PLPP4: variants seen among roughly 807,000 people sequenced by gnomAD.
PLPP4 encodes the protein diacylglycerol pyrophosphate like 2.
In PLPP4, 20 loss-of-function variants were observed where a neutral mutation model predicts 32.2. The observed-to-expected ratio is 0.62, with a 90% CI of 0.44 to 0.90. The LOEUF (loss-of-function observed/expected upper bound fraction) is 0.90, where lower values mean the gene tolerates loss of function less well. Ranked by LOEUF, PLPP4 falls within the 40% of genes least tolerant of loss-of-function variation. The pLI, the probability that PLPP4 is intolerant of heterozygous loss-of-function variation, is 0.00. For synonymous variants in PLPP4, 127 were observed against 133.0 expected, an observed-to-expected ratio of 0.95 and a Z score of 0.31; for missense variants, 257 against 353.1, an observed-to-expected ratio of 0.73 and a Z score of 2.18.
At chr10:120,573,426 G>T (rs1220407837) in intron 5 of PLPP4, among the ~76,000 whole-genome samples, 1 of 152,122 alleles carries the variant, frequency 6.6e-6, no homozygotes, top group Non-Finnish European at 1.5e-5. Flanking sequence ...ATTTGGAAAA[G>T]CTGCAGGTTG....
chr10:120,525,476 T>C (rs1219497647), intron 5 of PLPP4, among the ~76,000 whole-genome samples: 1 of 152,206 alleles, frequency 6.6e-6, no homozygotes, highest in Non-Finnish European at 1.5e-5. Context: ...TCTTGAGTTC[T>C]TTCCGTTAGG....
intron 1 of PLPP4, among the ~76,000 whole-genome samples, chr10:120,462,865 G>A (rs995636396): frequency 6.6e-6 from 1 of 152,118 alleles, no homozygotes; most frequent in African/African-American, 2.4e-5. Context: ...TGGCCCTGTA[G>A]AACCCTGTCA....
intron 1 of PLPP4, among the ~76,000 whole-genome samples, chr10:120,478,184 A>G (rs140152177): frequency 2.0e-3 from 304 of 152,312 alleles, no homozygotes; most frequent in African/African-American, 6.8e-3. Flanking sequence ...TCATTTGGCT[A>G]AATGTCAGGA....
At chr10:120,485,303 C>T (rs1467880388) in intron 1 of PLPP4, among the ~76,000 whole-genome samples, 1 of 152,244 alleles carries the variant, frequency 6.6e-6, no homozygotes, top group Non-Finnish European at 1.5e-5. Flanking sequence ...CTGGCACAGG[C>T]TTTAAGCTCA....
At chr10:120,537,266 A>G (rs1464456368) in intron 5 of PLPP4, among the ~76,000 whole-genome samples, 6 of 152,246 alleles carry the variant, frequency 3.9e-5, no homozygotes, top group Non-Finnish European at 5.9e-5. Flanking sequence ...ATTATTCACA[A>G]TAGCCAAGAT....
Position 120,551,855 on chromosome 10 carries a change from G to T in PLPP4, c.446-23276G>T, listed in dbSNP as rs1477169144. 5.3e-5 allele frequency among the ~76,000 whole-genome samples: 8 copies of T among 152,238 alleles called. No individual in the cohort carries two copies. The East Asian group carries it at 1.5e-3, about 29-fold the overall frequency. ...CCTTTTAATGCTCTTTGCATAAGTTGCTCCTTCTCATCTTTCAGGTTTATA... is the reference window on the plus strand; with the variant it reads ...CCTTTTAATGCTCTTTGCATAAGTTTCTCCTTCTCATCTTTCAGGTTTATA... On this transcript the variant is annotated intron_variant, in intron 5 of 6. Transcript: ENST00000398250.
In PLPP4 at chr10:120,531,846, A is replaced by G. The variant is rs1456121535; in HGVS notation, c.445+10751A>G. Among the ~76,000 whole-genome samples, 49 of 150,038 alleles carry G rather than the reference A, an allele frequency of 3.3e-4. 1 individual carries two copies. The Admixed American group carries it at 3.3e-3, about 10-fold the overall frequency. ...ATATATGTACACACACTACACATATATATGTGTGTACACACACTACACACA... is the reference window on the plus strand; with the variant it reads ...ATATATGTACACACACTACACATATGTATGTGTGTACACACACTACACACA... On this transcript the variant is annotated intron_variant, in intron 5 of 6. Coordinates refer to ENST00000398250, the MANE Select transcript of PLPP4 (RefSeq NM_001030059.3).
intron 1 of PLPP4, among the ~76,000 whole-genome samples, chr10:120,491,830 C>T (rs1844737212): frequency 7.4e-6 from 1 of 135,818 alleles, no homozygotes. Flanking sequence ...AACAACAAAA[C>T]CCAACAACAA....
At chr10:120,484,726 TG>T (rs758764870) in intron 1 of PLPP4, among the ~76,000 whole-genome samples, 16 of 152,166 alleles carry the variant, frequency 1.1e-4, no homozygotes, top group Non-Finnish European at 1.3e-4. Context: ...ACCATAAAAA[TG>T]GAAGAATAAT....
chr10:120,577,582 T>C (rs1324301820), intron 6 of PLPP4, among the ~76,000 whole-genome samples: 1 of 152,216 alleles, frequency 6.6e-6, no homozygotes, highest in African/African-American at 2.4e-5. Flanking sequence ...CAAGGGAGAA[T>C]ATTCATCCTG....
At chr10:120,544,882 G>A (rs1847538888) in intron 5 of PLPP4, among the ~76,000 whole-genome samples, 2 of 152,248 alleles carry the variant, frequency 1.3e-5, no homozygotes, top group Non-Finnish European at 1.5e-5. Flanking sequence ...CCAGGGAATA[G>A]GATGATGCCC....
At chr10:120,492,836 C>CCCCT (rs1844782523) in intron 1 of PLPP4, among the ~76,000 whole-genome samples, 1 of 152,192 alleles carries the variant, frequency 6.6e-6, no homozygotes. Flanking sequence ...GTAGAATGAT[C>CCCCT]CCCTATATGC....
intron 5 of PLPP4, among the ~76,000 whole-genome samples, chr10:120,563,005 C>T (rs11598375): frequency 0.024 from 3,622 of 152,222 alleles, 64 homozygotes; most frequent in Non-Finnish European, 0.037. Flanking sequence ...TTTGGGAAGC[C>T]AAGGCGGGTG....
chr10:120,559,109 ATCAT>A (rs1848300257), intron 5 of PLPP4, among the ~76,000 whole-genome samples: 1 of 152,208 alleles, frequency 6.6e-6, no homozygotes, highest in South Asian at 2.1e-4. Context: ...ACTGAGCTAG[ATCAT>A]TCATTAGTTT....
intron 1 of PLPP4, among the ~76,000 whole-genome samples, chr10:120,487,338 C>T (rs147061177): frequency 4.6e-5 from 7 of 152,290 alleles, no homozygotes; most frequent in Admixed American, 1.3e-4. Context: ...GCAACTCTTC[C>T]GCTGATGTGG....
chr10:120,546,227 T>C (rs1010041887), intron 5 of PLPP4, among the ~76,000 whole-genome samples: 2 of 152,134 alleles, frequency 1.3e-5, no homozygotes, highest in Non-Finnish European at 2.9e-5. Context: ...CCCTTTCATA[T>C]ATACGTCTAT....
At chr10:120,458,214 C>T (rs939663553) in intron 1 of PLPP4, among the ~76,000 whole-genome samples, 3 of 152,180 alleles carry the variant, frequency 2.0e-5, no homozygotes, top group South Asian at 4.1e-4. Flanking sequence ...AGAGCCACCC[C>T]GCAGCCTCCC....
At chr10:120,580,667 AC>A (rs1355827238) in intron 6 of PLPP4, among the ~76,000 whole-genome samples, 10 of 144,656 alleles carry the variant, frequency 6.9e-5, no homozygotes, top group Admixed American at 2.1e-4. Flanking sequence ...ACACACACAC[AC>A]ACACACACAC....
At chr10:120,459,277 T>C (rs979318781) in intron 1 of PLPP4, among the ~76,000 whole-genome samples, 4 of 152,182 alleles carry the variant, frequency 2.6e-5, no homozygotes, top group Non-Finnish European at 5.9e-5. Context: ...TTTGGATGAC[T>C]CCCAGGTTTC....
Sources: gnomAD v4.1 joint callset for allele counts (sites outside exome capture counted in the v4.1 genomes callset) on GRCh38, gnomAD v4.1.1 for gene constraint, MANE v1.5 for transcripts, NCBI Gene and HGNC (gene_info 2026-07-23, HGNC 2026-07-21) for gene names.